Variants in ASGR2 observed in about 807,000 individuals in gnomAD.
The protein encoded by ASGR2 is C-type lectin domain family 4 member H2.
ASGR2 carries 34 observed loss-of-function variants against 32.3 expected under a neutral mutation model. The ratio of observed to expected loss-of-function variants is 1.05; its 90% CI spans 0.80 to 1.40. The LOEUF is 1.40. Ranked by LOEUF, ASGR2 falls within the 40% of genes most tolerant of loss-of-function variation. ASGR2 has a pLI of 0.00. For synonymous variants in ASGR2, 143 were observed against 150.0 expected (o/e 0.95, Z 0.34); for missense variants, 385 against 386.4 (o/e 1.00, Z 0.03).
At position 7,102,103 on chromosome 17, in the gene ASGR2, T is replaced by G; in HGVS notation, c.742A>C (p.Arg248=). 1 of 1,613,958 alleles carries G rather than the reference T, an allele frequency of 6.2e-7. No individual in the cohort carries two copies. ...GAGGCCACTTACTTGTAGTTGTGCC[T>G]ATAGTCTGTGCCATCCACCCATTTC... The part of the protein sequence containing the change: ...SWKWVDGTDY[R]HNYKNWAVTQ... The change falls in exon 8 of 9, where the codon AGG becomes CGG. Residue 248 remains arginine (R), a synonymous_variant. Transcript: ENST00000691900.
intron 7 of ASGR2, among the ~76,000 whole-genome samples, chr17:7,105,374 A>G (rs1282910627): frequency 1.3e-5 from 2 of 152,204 alleles, no homozygotes; most frequent in East Asian, 1.9e-4. Context: ...CATCAAAAAC[A>G]AAACCTGCCA....
Position 7,108,454 on chromosome 17 carries a change from C to G in ASGR2, c.337+8G>C, listed in dbSNP as rs971362452. ...GATAAATGAGAACCCAGCCGTCCAG[C>G]CCCTCACCGTGGGTGCTGATTGCCT... is the stretch of plus-strand genomic sequence containing the variant. On this transcript the variant is annotated splice_region_variant and intron_variant, in intron 4 of 8. Transcript: ENST00000691900. The surrounding 1 kb of genome is among the most constrained non-coding windows in gnomAD (Gnocchi z 4.9). 1.3e-6 allele frequency: 2 copies of G among 1,590,142 alleles called. No homozygotes were observed. Among genetic ancestry groups the G allele is most frequent in the African/African-American group, 2.7e-5 (2 of 74,692 alleles).
chr17:7,102,819 A>G (rs1913051190), intron 7 of ASGR2, among the ~76,000 whole-genome samples: 1 of 152,176 alleles, frequency 6.6e-6, no homozygotes, highest in Non-Finnish European at 1.5e-5. Context: ...CCAGGGCCCC[A>G]TTATGATCTA....
chr17:7,111,407 A>G (rs1253855230), intron 2 of ASGR2, among the ~76,000 whole-genome samples: 1 of 152,260 alleles, frequency 6.6e-6, no homozygotes, highest in Non-Finnish European at 1.5e-5. Flanking sequence ...CTGGAATCCC[A>G]GCACTGTGGG....
At chr17:7,102,392 C>CTAGA (rs1912976718) in intron 7 of ASGR2, among the ~76,000 whole-genome samples, 196 bp from the exon 8 acceptor site, 1 of 152,174 alleles carries the variant, frequency 6.6e-6, no homozygotes, top group Admixed American at 6.5e-5. Context: ...ATTTGCTAGG[C>CTAGA]TAGACTTCGT....
chr17:7,108,534 G>C lies in ASGR2; in HGVS notation c.265C>G (p.Arg89Gly), dbSNP rs773055006. The C allele has an allele frequency of 6.2e-7, 1 of 1,608,972 alleles. No homozygotes were observed. Among genetic ancestry groups the C allele is most frequent in the Admixed American group, 1.7e-5 (1 of 59,206 alleles). ...TTGCTGAAAGCTTCCTTCAGGCTCC[G>C]CAGCTCGGCTTGCAGCTGTGCACCT... is the stretch of plus-strand genomic sequence containing the variant. ...SQSAQLQAEL[R>G]SLKEAFSNFS... Residue 89 changes from arginine (R) to glycine (G), a missense_variant, in exon 4 of 9, where the codon CGG (arginine) becomes GGG (glycine). Transcript: ENST00000691900. This position sits in a 1 kb window ranked among gnomAD's most constrained non-coding sequence, Gnocchi z 4.9.
chr17:7,109,011 G>A (rs1354996797), intron 2 of ASGR2, 123 bp from the exon 3 acceptor site: 2 of 793,966 alleles, frequency 2.5e-6, no homozygotes, highest in Non-Finnish European at 3.9e-6. Context: ...CATGGGGGGG[G>A]GTCATCATAG....
intron 8 of ASGR2, 143 bp from the exon 9 acceptor site, chr17:7,101,883 A>G: frequency 1.7e-6 from 2 of 1,206,420 alleles, no homozygotes; most frequent in Non-Finnish European, 2.3e-6. Flanking sequence ...GGAGAACCCA[A>G]CCGCAGAGAA....
In ASGR2 at chr17:7,113,444, ACAC is replaced by A. The variant is rs1915000561; in HGVS notation, c.124+670_124+672del. 6.7e-6 allele frequency among the ~76,000 whole-genome samples: 1 copy of A among 150,260 alleles called. No homozygotes were observed. The highest frequency in any genetic ancestry group is 2.1e-4 in the South Asian group (1 of 4,778). ...CACACGCACAACATACACAACACTC[ACAC>A]AACACACAAACATACATACACTCAC... On this transcript the variant is annotated intron_variant, in intron 2 of 8. Transcript: ENST00000691900. This position sits in a 1 kb window ranked among gnomAD's most constrained non-coding sequence, Gnocchi z 5.1.
At position 7,113,058 on chromosome 17, in the gene ASGR2, C is replaced by CTGAGGTGGGAGGATGGCT. The variant is rs556100194; in HGVS notation, c.124+1041_124+1058dup. Among the ~76,000 whole-genome samples the CTGAGGTGGGAGGATGGCT allele has an allele frequency of 2.5e-3, 373 of 152,164 alleles. 1 individual carries two copies. The highest frequency in any genetic ancestry group is 8.5e-3 in the African/African-American group (354 of 41,488). ...CTGTAAGTCCTAACTACTTGGGAGG[C>CTGAGGTGGGAGGATGGCT]TGAGGTGGGAGGATGGCTTGAGCCC... On this transcript the variant is annotated intron_variant, in intron 2 of 8. Coordinates refer to ENST00000691900, the MANE Select transcript of ASGR2 (RefSeq NM_001201352.2). This position sits in a 1 kb window ranked among gnomAD's most constrained non-coding sequence, Gnocchi z 5.1.
At position 7,109,004 on chromosome 17, in the gene ASGR2, G is replaced by GGC. The variant is rs1426011853; in HGVS notation, c.125-117_125-116insGC. On this transcript the variant is annotated intron_variant, in intron 2 of 8. Transcript: ENST00000691900. ...GGGCGGGGGGATTGGTTGGGGCCATGGGGGGGGGTCATCATAGGCTTTGAC... is the reference window on the plus strand; with the variant it reads ...GGGCGGGGGGATTGGTTGGGGCCATGGCGGGGGGGGTCATCATAGGCTTTGAC... The GGC allele has an allele frequency of 9.4e-6, 7 of 744,720 alleles. No individual in the cohort carries two copies. The African/African-American group carries it at 2.1e-4, about 22-fold the overall frequency. The allele number at this position is 744,720 out of a possible 1,614,324, so 46.1% of individuals were successfully genotyped here.
Position 7,113,693 on chromosome 17 carries a change from ACACACACAACACACTCT to A in ASGR2, c.124+407_124+423del, listed in dbSNP as rs1437049993. Among the ~76,000 whole-genome samples the A allele has an allele frequency of 3.4e-5, 5 of 147,984 alleles. No homozygotes were observed. Among genetic ancestry groups the A allele is most frequent in the Non-Finnish European group, 6.0e-5 (4 of 66,576 alleles). Reference sequence around the variant, plus strand: ...CACACAACATATACTCACACAACATACACACACAACACACTCTCACACACAACATACCCTCTCACATA... The same window carrying A: ...CACACAACATATACTCACACAACATACACACACAACATACCCTCTCACATA... On this transcript the variant is annotated intron_variant, in intron 2 of 8. Coordinates refer to ENST00000691900, the MANE Select transcript of ASGR2 (RefSeq NM_001201352.2). The surrounding 1 kb of genome is among the most constrained non-coding windows in gnomAD (Gnocchi z 5.1).
At chr17:7,106,647 T>C (rs62058752) in intron 7 of ASGR2, among the ~76,000 whole-genome samples, 49,790 of 151,720 alleles carry the variant, frequency 0.33, 8,930 homozygotes, top group Non-Finnish European at 0.42. Context: ...TTCACGCCTG[T>C]AATCCCACCA....
chr17:7,112,826 C>T (rs1037169113), intron 2 of ASGR2, among the ~76,000 whole-genome samples: 6 of 152,092 alleles, frequency 3.9e-5, no homozygotes, highest in African/African-American at 1.4e-4. Flanking sequence ...AAGCTCCAAG[C>T]CCCTGCTCCT....
Position 7,113,555 on chromosome 17 carries a change from A to G in ASGR2, c.124+562T>C, listed in dbSNP as rs928397954. 7.3e-5 allele frequency among the ~76,000 whole-genome samples: 9 copies of G among 123,002 alleles called. No individual in the cohort carries two copies. The highest frequency in any genetic ancestry group is 1.4e-4 in the Non-Finnish European group (8 of 56,046). The allele number at this position is 123,002 out of a possible 152,430, so 80.7% of individuals were successfully genotyped here. ...ACACACTCATACACAACATACATAC[A>G]CACAACATACACACAACATACACAC... is the stretch of plus-strand genomic sequence containing the variant. On this transcript the variant is annotated intron_variant, in intron 2 of 8. Transcript: ENST00000691900. The surrounding 1 kb of genome is among the most constrained non-coding windows in gnomAD (Gnocchi z 5.1).
Position 7,107,881 on chromosome 17 carries a change from A to C in ASGR2, c.364T>G (p.Ser122Ala). The part of the protein sequence containing the change: ...HGGSVGDKIT[S>A]LGAKLEKQQQ... ...TGTTTCTCCAGCTTGGCTCCTAGGG[A>C]TGTGATCTTGTCACCCACGCTGCCT... Residue 122 changes from serine (S) to alanine (A), a missense_variant, in exon 5 of 9, where the codon TCC becomes GCC. Physicochemically the swap from Ser to Ala is moderately conservative, Grantham distance 99. Coordinates refer to ENST00000691900, the MANE Select transcript of ASGR2 (RefSeq NM_001201352.2). The surrounding 1 kb of genome is among the most constrained non-coding windows in gnomAD (Gnocchi z 5.0). The C allele has an allele frequency of 6.2e-7, 1 of 1,613,302 alleles. No homozygotes were observed. Among genetic ancestry groups the C allele is most frequent in the Non-Finnish European group, 8.5e-7 (1 of 1,179,930 alleles).
intron 8 of ASGR2, 64 bp downstream of exon 8, chr17:7,102,026 G>T: frequency 6.6e-7 from 1 of 1,513,150 alleles, no homozygotes; most frequent in Non-Finnish European, 9.2e-7. Flanking sequence ...GTAGCTTGGA[G>T]TGAAAGGCCA....
upstream of ASGR2, chr17:7,114,910 G>T (rs947351422): frequency 4.0e-4 from 395 of 984,780 alleles, no homozygotes; most frequent in Middle Eastern, 5.1e-4. This position sits in a 1 kb window ranked among gnomAD's most constrained non-coding sequence, Gnocchi z 4.5. Flanking sequence ...AGAGAGGGGG[G>T]TCCCCTGGGC....
Position 7,107,528 on chromosome 17 carries a change from GACACACCAC to G in ASGR2, c.410-220_410-212del. 3.1e-6 allele frequency: 2 copies of G among 643,902 alleles called. No individual in the cohort carries two copies. Among genetic ancestry groups the G allele is most frequent in the South Asian group, 3.7e-5 (2 of 54,468 alleles). The allele number at this position is 643,902 out of a possible 1,614,324, so 39.9% of individuals were successfully genotyped here. On this transcript the variant is annotated intron_variant, in intron 5 of 8. Coordinates refer to ENST00000691900, the MANE Select transcript of ASGR2 (RefSeq NM_001201352.2). The surrounding 1 kb of genome is among the most constrained non-coding windows in gnomAD (Gnocchi z 5.0). Reference sequence around the variant, plus strand: ...TCACACACACACAAACACACCAAGAGACACACCACACACATCACATGCGTACACACACAT... The same window carrying G: ...TCACACACACACAAACACACCAAGAGACACATCACATGCGTACACACACAT...
Sources: gnomAD v4.1 joint callset for allele counts (sites outside exome capture counted in the v4.1 genomes callset) on GRCh38, gnomAD v4.1.1 for gene constraint, Gnocchi (gnomAD v3.1) non-coding constraint, MANE v1.5 for transcripts, NCBI Gene and HGNC (gene_info 2026-07-23, HGNC 2026-07-21) for gene names.